Variants in PURA observed in about 807,000 individuals in gnomAD.
PURA encodes purine rich element binding protein A.
In PURA, 2 loss-of-function variants were observed where a neutral mutation model predicts 23.1. The observed-to-expected ratio is 0.09, with a 90% CI of 0.04 to 0.27. The LOEUF (loss-of-function observed/expected upper bound fraction) is 0.27. PURA is among the 10% of genes least tolerant of loss of function. PURA has a pLI of 1.00. For missense variants in PURA, 187 were observed against 449.7 expected, an observed-to-expected ratio of 0.42 and a Z score of 5.28; for synonymous variants, 254 against 205.9, an observed-to-expected ratio of 1.23 and a Z score of -2.00.
chr5:140,118,271 T>G lies in PURA; in HGVS notation c.*3121T>G, dbSNP rs1323093802. On this transcript the variant is annotated 3_prime_UTR_variant, in exon 1 of 1. Transcript: ENST00000331327. The stretch of plus-strand genomic sequence containing the variant: ...CAAGAGCTTGGTTAAACTGTATTAT[T>G]TGCCTAAGTATAAAAGAAAACTTGA... 1 of 167,068 alleles carries G rather than the reference T, an allele frequency of 6.0e-6. No individual in the cohort carries two copies. Among genetic ancestry groups the G allele is most frequent in the East Asian group, 1.9e-4 (1 of 5,200 alleles). 10.3% of individuals were successfully genotyped at this position (167,068 alleles called of 1,614,324 possible).
Position 140,115,648 on chromosome 5 carries a change from G to A in PURA, c.*498G>A, listed in dbSNP as rs769455484. On this transcript the variant is annotated 3_prime_UTR_variant, in exon 1 of 1. Transcript: ENST00000331327. The surrounding 1 kb of genome is among the most constrained non-coding windows in gnomAD (Gnocchi z 4.1). ...ACAAAAAAGAGATATTTTAGAACACGTAAAATAATATTTTTAGTTTTTCTC... is the reference window on the plus strand; with the variant it reads ...ACAAAAAAGAGATATTTTAGAACACATAAAATAATATTTTTAGTTTTTCTC... The A allele has an allele frequency of 2.5e-4, 42 of 166,988 alleles. No individual in the cohort carries two copies. Among genetic ancestry groups the A allele is most frequent in the Non-Finnish European group, 3.2e-4 (22 of 68,112 alleles). 10.3% of individuals were successfully genotyped at this position (166,988 alleles called of 1,614,324 possible).
Position 140,118,445 on chromosome 5 carries a change from AC to A in PURA, c.*3296del, listed in dbSNP as rs1315230205. ...TAAATCACCAAATTTTTTTTAAGCT[AC>A]TTTTTATTTGTGCCTCCTATTTATC... On this transcript the variant is annotated 3_prime_UTR_variant, in exon 1 of 1. Transcript: ENST00000331327. The A allele has an allele frequency of 6.0e-6, 1 of 166,958 alleles. No homozygotes were observed. Among genetic ancestry groups the A allele is most frequent in the Admixed American group, 6.5e-5 (1 of 15,274 alleles). The allele number at this position is 166,958 out of a possible 1,614,324, so 10.3% of individuals were successfully genotyped here.
Position 140,114,478 on chromosome 5 carries a change from C to G in PURA, c.297C>G (p.Arg99=). Residue 99 remains arginine, a synonymous_variant, in exon 1 of 1, where the codon CGC becomes CGG. Coordinates refer to ENST00000331327, the MANE Select transcript of PURA (RefSeq NM_005859.5). ...AEVGAGGNKS[R]LTLSMSVAVE... is the part of the protein sequence containing the mutation. ...TGGGCGCGGGCGGCAACAAGAGCCG[C>G]CTTACTCTCTCCATGTCAGTGGCCG... 1 of 1,612,814 alleles carries G rather than the reference C, an allele frequency of 6.2e-7. No individual in the cohort carries two copies. The highest frequency in any genetic ancestry group is 8.5e-7 in the Non-Finnish European group (1 of 1,179,680).
rs1300721299 is a variant in PURA, at chr5:140,116,840, A to G, written c.*1690A>G. ...TTGGTAAAAAAAAAAAAAAAAAAAA[A>G]GGGTCTTGTCTGACAGAGAGTTCTG... On this transcript the variant is annotated 3_prime_UTR_variant, in exon 1 of 1. Coordinates refer to ENST00000331327, the MANE Select transcript of PURA (RefSeq NM_005859.5). The G allele has an allele frequency of 1.3e-5, 2 of 158,198 alleles. No homozygotes were observed. Among genetic ancestry groups the G allele is most frequent in the African/African-American group, 2.4e-5 (1 of 41,086 alleles). The allele number at this position is 158,198 out of a possible 1,614,324, so 9.8% of individuals were successfully genotyped here.
At position 140,122,234 on chromosome 5, in the gene PURA, A is replaced by T. The variant is rs923624792; in HGVS notation, c.*7084A>T. On this transcript the variant is annotated 3_prime_UTR_variant, in exon 1 of 1. Transcript: ENST00000331327. ...TGCTGGGGAGTTATTATTTTGAGGA[A>T]AAGAAAATTTCAAGCTTTTCACCAT... 3 of 166,818 alleles carry T rather than the reference A, an allele frequency of 1.8e-5. No homozygotes were observed. The highest frequency in any genetic ancestry group is 7.2e-5 in the African/African-American group (3 of 41,412). The allele number at this position is 166,818 out of a possible 1,614,324, so 10.3% of individuals were successfully genotyped here.
rs1194615033 is a variant in PURA, at chr5:140,120,350, G to A, written c.*5200G>A. 6.0e-6 allele frequency: 1 copy of A among 166,748 alleles called. No individual in the cohort carries two copies. Among genetic ancestry groups the A allele is most frequent in the Non-Finnish European group, 1.5e-5 (1 of 67,920 alleles). The allele number at this position is 166,748 out of a possible 1,614,324, so 10.3% of individuals were successfully genotyped here. On this transcript the variant is annotated 3_prime_UTR_variant, in exon 1 of 1. Coordinates refer to ENST00000331327, the MANE Select transcript of PURA (RefSeq NM_005859.5). ...ATAGATAAATTCACCAAAGTTATTT[G>A]TGTAGATTTGTTAAAGTGTATCAAT... is the stretch of plus-strand genomic sequence containing the variant.
Position 140,122,958 on chromosome 5 carries a change from TA to T in PURA, c.*7813del, listed in dbSNP as rs1468857562. 3 of 166,836 alleles carry T rather than the reference TA, an allele frequency of 1.8e-5. No individual in the cohort carries two copies. Among genetic ancestry groups the T allele is most frequent in the African/African-American group, 2.4e-5 (1 of 41,434 alleles). The allele number at this position is 166,836 out of a possible 1,614,324, so 10.3% of individuals were successfully genotyped here. On this transcript the variant is annotated 3_prime_UTR_variant, in exon 1 of 1. Transcript: ENST00000331327. ...ATATATTAGTGATAAAAATCTCTTT[TA>T]AAAATAGCAAAAAAGTGGTTCTGAT...
rs1763068757 is a variant in PURA, at chr5:140,115,599, G to T, written c.*449G>T. On this transcript the variant is annotated 3_prime_UTR_variant, in exon 1 of 1. Transcript: ENST00000331327. The surrounding 1 kb of genome is among the most constrained non-coding windows in gnomAD (Gnocchi z 4.1). ...TGAATTATATAAAAGTCCTTTTCAT[G>T]TTGAGCTAACATTTGACTTTAGCAC... 1.8e-5 allele frequency: 3 copies of T among 167,138 alleles called. No homozygotes were observed. Among genetic ancestry groups the T allele is most frequent in the Non-Finnish European group, 4.4e-5 (3 of 68,172 alleles). 10.4% of individuals were successfully genotyped at this position (167,138 alleles called of 1,614,324 possible).
chr5:140,117,597 G>A lies in PURA; in HGVS notation c.*2447G>A, dbSNP rs931109799. The stretch of plus-strand genomic sequence containing the variant: ...AGTAGTGCAAGTCAACAAAAACACA[G>A]CAAACTTAGGCAAAGTGTCCTTTCT... On this transcript the variant is annotated 3_prime_UTR_variant, in exon 1 of 1. Transcript: ENST00000331327. The A allele has an allele frequency of 6.0e-6, 1 of 167,006 alleles. No individual in the cohort carries two copies. The highest frequency in any genetic ancestry group is 6.5e-5 in the Admixed American group (1 of 15,278). 10.3% of individuals were successfully genotyped at this position (167,006 alleles called of 1,614,324 possible).
Position 140,119,060 on chromosome 5 carries a change from A to G in PURA, c.*3910A>G, listed in dbSNP as rs988277167. The G allele has an allele frequency of 1.2e-5, 2 of 166,898 alleles. No individual in the cohort carries two copies. Among genetic ancestry groups the G allele is most frequent in the Non-Finnish European group, 2.9e-5 (2 of 68,034 alleles). 10.3% of individuals were successfully genotyped at this position (166,898 alleles called of 1,614,324 possible). ...TGTAAATTAGGATTCAATTAAAGAT[A>G]GTTGATTATATTGCAATCAGATGGC... On this transcript the variant is annotated 3_prime_UTR_variant, in exon 1 of 1. Transcript: ENST00000331327.
rs189201459 is a variant in PURA at position 140,115,558 on chromosome 5, A to G, written c.*408A>G. On this transcript the variant is annotated 3_prime_UTR_variant, in exon 1 of 1. Coordinates refer to ENST00000331327, the MANE Select transcript of PURA (RefSeq NM_005859.5). This position sits in a 1 kb window ranked among gnomAD's most constrained non-coding sequence, Gnocchi z 4.1. ...ATTAAAAAGTGTTTGCAAAATGGTC[A>G]AGATTATAATATTGCTGAATTATAT... The G allele has an allele frequency of 8.4e-3, 1,418 of 168,318 alleles. 14 individuals carry two copies. The highest frequency in any genetic ancestry group is 0.012 in the Non-Finnish European group (796 of 68,858). The allele number at this position is 168,318 out of a possible 1,614,324, so 10.4% of individuals were successfully genotyped here.
chr5:140,116,031 AAAAG>A lies in PURA; in HGVS notation c.*889_*892del, dbSNP rs1409327008. 1.0e-4 allele frequency: 17 copies of A among 167,126 alleles called. No homozygotes were observed. The highest frequency in any genetic ancestry group is 1.9e-4 in the African/African-American group (8 of 41,464). 10.4% of individuals were successfully genotyped at this position (167,126 alleles called of 1,614,324 possible). On this transcript the variant is annotated 3_prime_UTR_variant, in exon 1 of 1. Transcript: ENST00000331327. ...CAAAGTTATTCAAATAGTAAAAGGA[AAAAG>A]AAAGAAAAAGGAGATCTCCCATAAT...
In PURA at chr5:140,123,057, A is replaced by G. The variant is rs925933508; in HGVS notation, c.*7907A>G. On this transcript the variant is annotated 3_prime_UTR_variant, in exon 1 of 1. Coordinates refer to ENST00000331327, the MANE Select transcript of PURA (RefSeq NM_005859.5). ...TAACAATAGCAGGATTATTTTTACT[A>G]TAGCTTATTTTGTAGAGTTGGCACT... 1.2e-5 allele frequency: 2 copies of G among 166,940 alleles called. No homozygotes were observed. The highest frequency in any genetic ancestry group is 2.1e-4 in the South Asian group (1 of 4,834). The allele number at this position is 166,940 out of a possible 1,614,324, so 10.3% of individuals were successfully genotyped here.
rs1169900221 is a variant in PURA, at chr5:140,125,416, T to G, written c.*10266T>G. ...AAAAAAGCAAAGTTCTGAAAGCTAT[T>G]TATAAGGAGTCAGGGCATCTCTAGA... On this transcript the variant is annotated 3_prime_UTR_variant, in exon 1 of 1. Coordinates refer to ENST00000331327, the MANE Select transcript of PURA (RefSeq NM_005859.5). 6.0e-6 allele frequency: 1 copy of G among 166,960 alleles called. No individual in the cohort carries two copies. The highest frequency in any genetic ancestry group is 1.5e-5 in the Non-Finnish European group (1 of 68,082). The allele number at this position is 166,960 out of a possible 1,614,324, so 10.3% of individuals were successfully genotyped here.
At position 140,114,487 on chromosome 5, in the gene PURA, C is replaced by T. The variant is rs762714935; in HGVS notation, c.306C>T (p.Leu102=). 1.2e-6 allele frequency: 2 copies of T among 1,612,622 alleles called. No homozygotes were observed. The highest frequency in any genetic ancestry group is 1.1e-5 in the South Asian group (1 of 90,950). Residue 102 remains leucine (L), a synonymous_variant, in exon 1 of 1, where the codon CTC becomes CTT. Transcript: ENST00000331327. ...GCGGCAACAAGAGCCGCCTTACTCTCTCCATGTCAGTGGCCGTGGAGTTCC... is the reference window on the plus strand; with the variant it reads ...GCGGCAACAAGAGCCGCCTTACTCTTTCCATGTCAGTGGCCGTGGAGTTCC... ...GAGGNKSRLT[L]SMSVAVEFRD...
At position 140,120,756 on chromosome 5, in the gene PURA, T is replaced by A. The variant is rs1359396342; in HGVS notation, c.*5606T>A. 6.0e-6 allele frequency: 1 copy of A among 166,880 alleles called. No homozygotes were observed. The highest frequency in any genetic ancestry group is 2.4e-5 in the African/African-American group (1 of 41,450). 10.3% of individuals were successfully genotyped at this position (166,880 alleles called of 1,614,324 possible). A position where few individuals can be genotyped will look rare whatever the true frequency, so the allele number is the denominator to read the frequency against. On this transcript the variant is annotated 3_prime_UTR_variant, in exon 1 of 1. Transcript: ENST00000331327. The stretch of plus-strand genomic sequence containing the variant: ...TGCTAAGCTAACTACCAAGTTTTGA[T>A]GTTGAATGGTCCAGGCAATTTATGT...
Position 140,114,958 on chromosome 5 carries a change from G to A in PURA, c.777G>A (p.Val259=), listed in dbSNP as rs146964273. 1.5e-5 allele frequency: 25 copies of A among 1,614,092 alleles called. No individual in the cohort carries two copies. Among genetic ancestry groups the A allele is most frequent in the South Asian group, 4.4e-5 (4 of 91,080 alleles). Residue 259 remains valine (V), a synonymous_variant, in exon 1 of 1, where the codon GTG becomes GTA. Coordinates refer to ENST00000331327, the MANE Select transcript of PURA (RefSeq NM_005859.5). ...CCACCTATCGCAACTCCATCACCGT[G>A]CCCTACAAGGTGTGGGCCAAGTTCG... ...VKPTYRNSIT[V]PYKVWAKFGH... is the part of the protein sequence containing the mutation.
In PURA at chr5:140,114,728, A is replaced by G. The variant is rs1386400193; in HGVS notation, c.547A>G (p.Thr183Ala). 1 of 1,613,012 alleles carries G rather than the reference A, an allele frequency of 6.2e-7. No homozygotes were observed. The highest frequency in any genetic ancestry group is 1.3e-5 in the African/African-American group (1 of 75,070). The change falls in exon 1 of 1, where the codon ACG (threonine) becomes GCG (alanine). Residue 183 changes from threonine to alanine, a missense_variant. Transcript: ENST00000331327. ...TVNRGPGLGS[T>A]QGQTIALPAQ... ...CAACCGGGGGCCTGGCCTGGGCTCC[A>G]CGCAGGGCCAGACCATTGCGCTGCC...
rs1763163522 is a variant in PURA at position 140,122,399 on chromosome 5, T to C, written c.*7249T>C. 1.2e-5 allele frequency: 2 copies of C among 166,912 alleles called. No individual in the cohort carries two copies. The highest frequency in any genetic ancestry group is 2.1e-4 in the South Asian group (1 of 4,834). 10.3% of individuals were successfully genotyped at this position (166,912 alleles called of 1,614,324 possible). On this transcript the variant is annotated 3_prime_UTR_variant, in exon 1 of 1. Coordinates refer to ENST00000331327, the MANE Select transcript of PURA (RefSeq NM_005859.5). ...ATTTTGTACTCCACAAAGACACATA[T>C]TATTCCTTGCTTTTATAGAATTTTG...
Sources: gnomAD v4.1 joint callset for allele counts on GRCh38, gnomAD v4.1.1 for gene constraint, Gnocchi (gnomAD v3.1) non-coding constraint, MANE v1.5 for transcripts, NCBI Gene and HGNC (gene_info 2026-07-23, HGNC 2026-07-21) for gene names.